The following GNAQ variants were observed in gnomAD, a reference collection of about 807,000 sequenced individuals.
The protein encoded by GNAQ is G protein subunit alpha q.
In GNAQ, 8 loss-of-function variants were observed where a neutral mutation model predicts 43.9. The observed-to-expected ratio is 0.18, with a 90% CI of 0.11 to 0.33. The LOEUF is 0.33. Ranked by LOEUF, GNAQ falls within the 10% of genes least tolerant of loss-of-function variation. GNAQ has a pLI of 1.00. For missense variants in GNAQ, 158 were observed against 450.8 expected (o/e 0.35, Z 5.88); for synonymous variants, 155 against 170.7 (o/e 0.91, Z 0.71).
chr9:77,832,114 CTTT>C, intron 2 of GNAQ, among the ~76,000 whole-genome samples: 1 of 150,820 alleles, frequency 6.6e-6, no homozygotes, highest in Admixed American at 6.6e-5. Flanking sequence ...TTTTCCAACA[CTTT>C]TTTTAATGTT....
chr9:77,912,087 G>A (rs1272393571), intron 2 of GNAQ, among the ~76,000 whole-genome samples: 1 of 152,138 alleles, frequency 6.6e-6, no homozygotes. Context: ...AATAAATTCA[G>A]CTCTTGTGCA....
chr9:77,758,564 A>T (rs1825939295), intron 5 of GNAQ, among the ~76,000 whole-genome samples: 1 of 152,210 alleles, frequency 6.6e-6, no homozygotes, highest in Admixed American at 6.5e-5. Context: ...CAAAGTAGGA[A>T]TACCTTCTAC....
rs537039490 is a variant in GNAQ, at chr9:77,970,788, C to A, written c.137-48443G>T. On this transcript the variant is annotated intron_variant, in intron 1 of 6. Coordinates refer to ENST00000286548, the MANE Select transcript of GNAQ (RefSeq NM_002072.5). ...GCAGAAGACAAGAAATAATTAAGATCAGAGCAGAACTGAAGGAGATACAGA... is the reference window on the plus strand; with the variant it reads ...GCAGAAGACAAGAAATAATTAAGATAAGAGCAGAACTGAAGGAGATACAGA... Among the ~76,000 whole-genome samples, 237 of 151,998 alleles carry A rather than the reference C, an allele frequency of 1.6e-3. 1 individual carries two copies. The highest frequency in any genetic ancestry group is 5.5e-3 in the African/African-American group (229 of 41,432).
In GNAQ at chr9:77,749,613, A is replaced by C. The variant is rs558376118; in HGVS notation, c.736-20946T>G. Among the ~76,000 whole-genome samples, 23 of 152,334 alleles carry C rather than the reference A, an allele frequency of 1.5e-4. 1 individual carries two copies. The South Asian group carries it at 4.8e-3, about 32-fold the overall frequency. ...GATGGGTCTTCCAGGACAATAGGTG[A>C]AGGGTTAATTCCACATACTATACAC... On this transcript the variant is annotated intron_variant, in intron 5 of 6. Coordinates refer to ENST00000286548, the MANE Select transcript of GNAQ (RefSeq NM_002072.5).
chr9:77,788,073 T>A (rs1826511925), intron 5 of GNAQ, among the ~76,000 whole-genome samples: 1 of 152,004 alleles, frequency 6.6e-6, no homozygotes, highest in Non-Finnish European at 1.5e-5. Flanking sequence ...CCAAAACCCT[T>A]CTGCAAAATA....
In GNAQ at chr9:77,922,472, T is replaced by C. The variant is rs915662981; in HGVS notation, c.137-127A>G. The C allele has an allele frequency of 5.8e-5, 38 of 658,776 alleles. 1 individual carries two copies. The highest frequency in any genetic ancestry group is 4.8e-4 in the South Asian group (24 of 50,508). 40.8% of individuals were successfully genotyped at this position (658,776 alleles called of 1,614,324 possible). On this transcript the variant is annotated intron_variant, in intron 1 of 6. Transcript: ENST00000286548. ...CCTGCTGAGAGGAGCGACTCTAGAA[T>C]TGGAAACACTACCTATGGTGAACAT... is the stretch of plus-strand genomic sequence containing the variant.
chr9:77,940,531 A>C (rs1312276372), intron 1 of GNAQ, among the ~76,000 whole-genome samples: 1 of 152,192 alleles, frequency 6.6e-6, no homozygotes, highest in East Asian at 1.9e-4. Context: ...GTGAGCAGAG[A>C]TCACACCACT....
chr9:78,008,606 TTTCATTTCATTTC>T (rs1564177008), intron 1 of GNAQ, among the ~76,000 whole-genome samples: 175 of 146,582 alleles, frequency 1.2e-3, no homozygotes, highest in African/African-American at 4.7e-3. Context: ...TTTCATTTCA[TTTCATTTCATTTC>T]ATTTTATTTT....
chr9:77,729,644 C>T (rs971152453), intron 5 of GNAQ, among the ~76,000 whole-genome samples: 2 of 152,178 alleles, frequency 1.3e-5, no homozygotes, highest in Non-Finnish European at 2.9e-5. Flanking sequence ...TTTGGGAATT[C>T]TCCTTCCCAT....
intron 5 of GNAQ, among the ~76,000 whole-genome samples, chr9:77,788,635 G>A (rs2118425768): frequency 6.6e-6 from 1 of 152,178 alleles, no homozygotes; most frequent in East Asian, 1.9e-4. Context: ...AATGAAAATT[G>A]GAAGCAGGTA....
chr9:77,763,679 T>A (rs1277537506), intron 5 of GNAQ, among the ~76,000 whole-genome samples: 2 of 152,222 alleles, frequency 1.3e-5, no homozygotes, highest in Non-Finnish European at 2.9e-5. Flanking sequence ...AAACTGTTAC[T>A]GTGAATACGA....
rs536318263 is a variant in GNAQ, at chr9:77,890,622, C to T, written c.321+31539G>A. 1.6e-3 allele frequency among the ~76,000 whole-genome samples: 246 copies of T among 152,206 alleles called. 2 individuals are homozygous for T. Among genetic ancestry groups the T allele is most frequent in the African/African-American group, 5.0e-3 (209 of 41,506 alleles). On this transcript the variant is annotated intron_variant, in intron 2 of 6. Coordinates refer to ENST00000286548, the MANE Select transcript of GNAQ (RefSeq NM_002072.5). ...CCTGTAATCCCAGCTACTTGGGAGG[C>T]TGAGGCAGGAGAATCGCTTGAACCC...
intron 2 of GNAQ, among the ~76,000 whole-genome samples, chr9:77,869,938 A>G (rs144999846): frequency 0.016 from 2,446 of 152,330 alleles, 25 homozygotes; most frequent in Non-Finnish European, 0.025. Context: ...AAAAATTCAT[A>G]ATGTTTATAT....
At chr9:77,825,077 G>A (rs1827172752) in intron 2 of GNAQ, among the ~76,000 whole-genome samples, 1 of 152,094 alleles carries the variant, frequency 6.6e-6, no homozygotes, top group South Asian at 2.1e-4. Context: ...TTGTGTGGTT[G>A]ATTATATTCA....
intron 2 of GNAQ, among the ~76,000 whole-genome samples, chr9:77,880,611 G>A (rs1032698955): frequency 2.0e-5 from 3 of 150,984 alleles, no homozygotes; most frequent in African/African-American, 7.3e-5. Flanking sequence ...TGTTGCCCAG[G>A]GTGGCATATT....
rs114174142 is a variant in GNAQ, at chr9:77,885,913, T to C, written c.321+36248A>G. Among the ~76,000 whole-genome samples the C allele has an allele frequency of 7.1e-3, 1,082 of 152,284 alleles. 20 individuals carry two copies. Among genetic ancestry groups the C allele is most frequent in the African/African-American group, 0.024 (1,007 of 41,552 alleles). On this transcript the variant is annotated intron_variant, in intron 2 of 6. Transcript: ENST00000286548. Reference sequence around the variant, plus strand: ...AAAGCCTTCCCCTTAAGGTTTAAAATTGTAATATAATTCAGTGATCTATTA... The same window carrying C: ...AAAGCCTTCCCCTTAAGGTTTAAAACTGTAATATAATTCAGTGATCTATTA...
chr9:77,773,761 C>T (rs1826264040), intron 5 of GNAQ, among the ~76,000 whole-genome samples: 3 of 152,298 alleles, frequency 2.0e-5, no homozygotes, highest in Non-Finnish European at 4.4e-5. Flanking sequence ...AGAGATGTTA[C>T]TGTAGGAGAT....
At chr9:77,892,586 C>T (rs181157390) in intron 2 of GNAQ, among the ~76,000 whole-genome samples, 63 of 152,224 alleles carry the variant, frequency 4.1e-4, no homozygotes, top group Admixed American at 9.2e-4. Flanking sequence ...CTCGGTGCTG[C>T]GAGTGATCTT....
intron 2 of GNAQ, among the ~76,000 whole-genome samples, chr9:77,881,336 G>T (rs1828203977): frequency 6.6e-6 from 1 of 152,202 alleles, no homozygotes; most frequent in African/African-American, 2.4e-5. Context: ...CGTGGCCAGG[G>T]CCAAAAGCTC....
Sources: gnomAD v4.1 joint callset for allele counts (sites outside exome capture counted in the v4.1 genomes callset) on GRCh38, gnomAD v4.1.1 for gene constraint, MANE v1.5 for transcripts, NCBI Gene and HGNC (gene_info 2026-07-23, HGNC 2026-07-21) for gene names.